Variants in HEATR4 observed in about 807,000 individuals in gnomAD.
HEATR4 encodes the protein HEAT repeat-containing protein 4.
In HEATR4, 95 loss-of-function variants were observed where a neutral mutation model predicts 108.8. That is an observed-to-expected ratio of 0.87 (90% CI 0.74 to 1.04). The LOEUF (loss-of-function observed/expected upper bound fraction) is 1.04. HEATR4 is among the 50% of genes least tolerant of loss of function. The probability of loss-of-function intolerance (pLI) is 0.00; values close to 1 mark genes in which losing one functional copy is unlikely to be tolerated. For missense variants in HEATR4, 1,152 were observed against 1,253.8 expected, an observed-to-expected ratio of 0.92 and a Z score of 1.23; for synonymous variants, 443 against 459.4, an observed-to-expected ratio of 0.96 and a Z score of 0.46.
In HEATR4 at chr14:73,557,972, C is replaced by T. The variant is rs1459876289; in HGVS notation, c.-152+779G>A. 2.2e-5 allele frequency among the ~76,000 whole-genome samples: 2 copies of T among 89,794 alleles called. 1 individual carries two copies. Among genetic ancestry groups the T allele is most frequent in the Non-Finnish European group, 5.1e-5 (2 of 39,534 alleles). The allele number at this position is 89,794 out of a possible 152,430, so 58.9% of individuals were successfully genotyped here. The stretch of plus-strand genomic sequence containing the variant: ...GGCCTCCAGAAATGCTGGGACTATG[C>T]CTGGAATAGATATGGGTAAAGAACC... On this transcript the variant is annotated intron_variant, in intron 1 of 17. Coordinates refer to ENST00000553558, the MANE Select transcript of HEATR4 (RefSeq NM_001220484.1).
chr14:73,574,016 A>T, the HEATR4 span, among the ~76,000 whole-genome samples: 1 of 147,550 alleles, frequency 6.8e-6, no homozygotes. Context: ...ATGAGCCACT[A>T]TGCCCAGCCT....
At chr14:73,494,618 T>C (rs532196902) in intron 16 of HEATR4, among the ~76,000 whole-genome samples, 8 of 152,250 alleles carry the variant, frequency 5.3e-5, no homozygotes, top group Admixed American at 1.3e-4. Context: ...TGGTGAGATA[T>C]TGGGTTACTG....
the HEATR4 span, among the ~76,000 whole-genome samples, chr14:73,629,872 C>A: frequency 4.6e-5 from 7 of 151,774 alleles, no homozygotes; most frequent in Non-Finnish European, 1.0e-4. Flanking sequence ...TGGTTTGGAT[C>A]TCCTGACTTT....
At chr14:73,610,081 A>C in the HEATR4 span, among the ~76,000 whole-genome samples, 1 of 151,942 alleles carries the variant, frequency 6.6e-6, no homozygotes, top group Non-Finnish European at 1.5e-5. Flanking sequence ...ATCTGGAAGC[A>C]GGCCTACTGG....
the HEATR4 span, among the ~76,000 whole-genome samples, chr14:73,633,510 C>A: frequency 2.6e-5 from 4 of 152,094 alleles, no homozygotes. Context: ...CTTTGATAGT[C>A]TTTCTTAATC....
chr14:73,593,076 T>C, the HEATR4 span, among the ~76,000 whole-genome samples: 1 of 152,210 alleles, frequency 6.6e-6, no homozygotes, highest in Non-Finnish European at 1.5e-5. Flanking sequence ...GGCAGAATGA[T>C]GACAGTGAAT....
chr14:73,573,414 G>T, the HEATR4 span: 1 of 1,613,722 alleles, frequency 6.2e-7, no homozygotes, highest in Non-Finnish European at 8.5e-7. Flanking sequence ...TGGGATTGTG[G>T]ACATGTTCGG....
At chr14:73,581,427 T>A in the HEATR4 span, 1 of 151,844 alleles carries the variant, frequency 6.6e-6, no homozygotes, top group East Asian at 1.9e-4. Context: ...GACAGTCACT[T>A]CCCAAATGCC....
At chr14:73,630,112 A>G in the HEATR4 span, among the ~76,000 whole-genome samples, 13 of 152,156 alleles carry the variant, frequency 8.5e-5, 1 homozygote, top group Non-Finnish European at 2.9e-5. Context: ...TAATTAGACA[A>G]AGGGAGTCAG....
intron 8 of HEATR4, 70 bp downstream of exon 8, chr14:73,509,242 G>A (rs1293959098): frequency 1.4e-6 from 2 of 1,440,428 alleles, no homozygotes; most frequent in African/African-American, 2.8e-5. Flanking sequence ...GGAGAGGAAA[G>A]GACTGGGAAA....
intron 17 of HEATR4, among the ~76,000 whole-genome samples, chr14:73,479,095 C>T (rs1480530319): frequency 6.6e-6 from 1 of 151,472 alleles, no homozygotes; most frequent in East Asian, 1.9e-4. Context: ...CCCGCCACCA[C>T]GCCCAGCTAA....
At chr14:73,633,003 C>CT in the HEATR4 span, among the ~76,000 whole-genome samples, 4 of 66,764 alleles carry the variant, frequency 6.0e-5, no homozygotes, top group African/African-American at 2.0e-4. Flanking sequence ...CTCTCTCTCT[C>CT]TCTCTTTTTT....
At chr14:73,605,657 A>G in the HEATR4 span, among the ~76,000 whole-genome samples, 1 of 133,780 alleles carries the variant, frequency 7.5e-6, no homozygotes, top group Admixed American at 9.6e-5. Context: ...TGCAACCTCC[A>G]TCTCCTGGGC....
chr14:73,524,960 A>G (rs767875237), intron 2 of HEATR4, among the ~76,000 whole-genome samples: 8 of 152,076 alleles, frequency 5.3e-5, no homozygotes, highest in Non-Finnish European at 8.8e-5. Flanking sequence ...ACTGTCTTCC[A>G]TGTGTAAAAG....
intron 5 of HEATR4, chr14:73,517,215 A>G (rs1214092517): frequency 6.6e-6 from 1 of 152,278 alleles, no homozygotes; most frequent in Non-Finnish European, 1.5e-5. Flanking sequence ...GCGTGCCACC[A>G]TGCCCAACTA....
At position 73,537,593 on chromosome 14, in the gene HEATR4, G is replaced by T. The variant is rs1194934092; in HGVS notation, c.-151-7349C>A. ...CGCGCGCTACCGCGCCGACACCCTT[G>T]GCGAGCTGGACCTGGAGCGCGCGCC... On this transcript the variant is annotated intron_variant, in intron 1 of 17. Transcript: ENST00000553558. The T allele has an allele frequency of 1.6e-6, 2 of 1,223,584 alleles. 1 individual carries two copies. The allele number at this position is 1,223,584 out of a possible 1,614,324, so 75.8% of individuals were successfully genotyped here.
chr14:73,580,142 TTTTTG>T, the HEATR4 span, among the ~76,000 whole-genome samples: 4 of 151,840 alleles, frequency 2.6e-5, no homozygotes, highest in Non-Finnish European at 4.4e-5. Flanking sequence ...CAGGGGGTTG[TTTTTG>T]TTTTAAGAGA....
At chr14:73,578,207 C>T in the HEATR4 span, among the ~76,000 whole-genome samples, 6 of 150,280 alleles carry the variant, frequency 4.0e-5, no homozygotes, top group South Asian at 6.3e-4. Flanking sequence ...GTTCAGATCA[C>T]CTATCAGCCT....
rs1330290797 is a variant in HEATR4 at position 73,550,744 on chromosome 14, C to T, written c.-152+8007G>A. On this transcript the variant is annotated intron_variant, in intron 1 of 17. Coordinates refer to ENST00000553558, the MANE Select transcript of HEATR4 (RefSeq NM_001220484.1). ...AATTACTCTATGCTGCACTTCTTTG[C>T]TGTGTGTCTCTTGTTTAAATTCTTT... Among the ~76,000 whole-genome samples, 25 of 115,796 alleles carry T rather than the reference C, an allele frequency of 2.2e-4. 5 individuals carry two copies. Among genetic ancestry groups the T allele is most frequent in the African/African-American group, 6.7e-4 (24 of 35,638 alleles). The allele number at this position is 115,796 out of a possible 152,430, so 76.0% of individuals were successfully genotyped here. A position where few individuals can be genotyped will look rare whatever the true frequency, so the allele number is the denominator to read the frequency against.
Sources: gnomAD v4.1 joint callset for allele counts (sites outside exome capture counted in the v4.1 genomes callset) on GRCh38, gnomAD v4.1.1 for gene constraint, MANE v1.5 for transcripts, NCBI Gene and HGNC (gene_info 2026-07-23, HGNC 2026-07-21) for gene names.